Variants in CSMD1 observed in about 807,000 individuals in gnomAD.
CSMD1 encodes CUB and sushi domain-containing protein 1.
A neutral mutation model predicts 417.5 loss-of-function variants in CSMD1; 213 were observed. That is an observed-to-expected ratio of 0.51 (90% confidence interval 0.46 to 0.57). CSMD1 has a LOEUF of 0.57. Ranked by LOEUF, CSMD1 falls within the 20% of genes least tolerant of loss-of-function variation. CSMD1 has a pLI of 0.00. For missense variants in CSMD1, 6,923 were observed against 4,529.7 expected, an observed-to-expected ratio of 1.53 and a Z score of -15.17; for synonymous variants, 2,862 against 1,736.8, an observed-to-expected ratio of 1.65 and a Z score of -16.11.
intron 7 of CSMD1, among the ~76,000 whole-genome samples, chr8:3,628,194 C>A (rs191558626): frequency 2.0e-5 from 3 of 152,064 alleles, no homozygotes; most frequent in Non-Finnish European, 4.4e-5. Context: ...TGTAACAACG[C>A]GGTTGTATTT....
intron 3 of CSMD1, among the ~76,000 whole-genome samples, chr8:4,084,948 C>T (rs772734529): frequency 3.9e-5 from 6 of 152,114 alleles, no homozygotes; most frequent in Non-Finnish European, 4.4e-5. Flanking sequence ...TTTGGGAAAG[C>T]ACCTGCAGAA....
intron 59 of CSMD1, 23 bp downstream of exon 59, chr8:2,965,752 A>G: frequency 6.3e-7 from 1 of 1,580,322 alleles, no homozygotes; most frequent in Non-Finnish European, 8.6e-7. Flanking sequence ...CATCTGTAAA[A>G]TCCAAAGAGT....
At chr8:3,956,824 G>A (rs899453494) in intron 5 of CSMD1, among the ~76,000 whole-genome samples, 19 of 152,280 alleles carry the variant, frequency 1.2e-4, no homozygotes, top group African/African-American at 4.6e-4. Context: ...GTTACGGAAG[G>A]AAGAGAGAAT....
chr8:4,730,219 A>T (rs559085311), intron 1 of CSMD1, among the ~76,000 whole-genome samples: 1 of 150,882 alleles, frequency 6.6e-6, no homozygotes, highest in African/African-American at 2.4e-5. Context: ...AAAACAAAAC[A>T]AAACAAAACA....
At chr8:4,091,606 A>C (rs1033135565) in intron 3 of CSMD1, among the ~76,000 whole-genome samples, 1 of 152,190 alleles carries the variant, frequency 6.6e-6, no homozygotes, top group African/African-American at 2.4e-5. Context: ...TACACCTCAC[A>C]TAGAGTAGCA....
intron 3 of CSMD1, among the ~76,000 whole-genome samples, chr8:4,087,445 A>G (rs189079672): frequency 6.6e-6 from 1 of 152,240 alleles, no homozygotes; most frequent in Non-Finnish European, 1.5e-5. Context: ...TAAATTAAGT[A>G]GAAACCACCC....
chr8:4,993,434 T>C (rs753287496), intron 1 of CSMD1, among the ~76,000 whole-genome samples: 2 of 107,546 alleles, frequency 1.9e-5, no homozygotes, highest in Admixed American at 1.8e-4. Flanking sequence ...AGGGAGCTTA[T>C]GTTCTTTCCC....
At chr8:3,892,433 T>G (rs10109340) in intron 5 of CSMD1, among the ~76,000 whole-genome samples, 82,506 of 151,938 alleles carry the variant, frequency 0.54, 25,462 homozygotes, top group Admixed American at 0.68. Context: ...GCTTGTGAAG[T>G]GACAGGCTTC....
chr8:4,945,154 G>T (rs1808284372), intron 1 of CSMD1, among the ~76,000 whole-genome samples: 1 of 152,172 alleles, frequency 6.6e-6, no homozygotes, highest in Non-Finnish European at 1.5e-5. Context: ...CACAACAAGA[G>T]AAATACTGAA....
At chr8:4,130,360 G>A (rs529284975) in intron 3 of CSMD1, among the ~76,000 whole-genome samples, 7 of 152,102 alleles carry the variant, frequency 4.6e-5, no homozygotes, top group Non-Finnish European at 7.4e-5. Flanking sequence ...AATGGAAGTG[G>A]AATTTGATCC....
chr8:2,955,234 T>C (rs1039221132), intron 64 of CSMD1, among the ~76,000 whole-genome samples: 2 of 152,228 alleles, frequency 1.3e-5, no homozygotes, highest in Non-Finnish European at 2.9e-5. Flanking sequence ...TTTTCATCTC[T>C]AAGAACTACT....
chr8:3,801,854 G>A (rs983616668), intron 5 of CSMD1, among the ~76,000 whole-genome samples: 1 of 152,092 alleles, frequency 6.6e-6, no homozygotes, highest in Non-Finnish European at 1.5e-5. Context: ...ATTAAAGTAA[G>A]TCAATGAAAA....
chr8:3,108,531 G>A, intron 44 of CSMD1, 72 bp downstream of exon 44: 1 of 1,476,552 alleles, frequency 6.8e-7, no homozygotes, highest in Non-Finnish European at 9.3e-7. Context: ...TGGAAACAAG[G>A]CGTGGGACAA....
At chr8:4,951,991 T>A (rs1420065517) in intron 1 of CSMD1, among the ~76,000 whole-genome samples, 1 of 151,274 alleles carries the variant, frequency 6.6e-6, no homozygotes, top group Non-Finnish European at 1.5e-5. Context: ...ACATAGTTTA[T>A]CTTAAAAGGT....
intron 5 of CSMD1, among the ~76,000 whole-genome samples, chr8:3,779,833 GA>G (rs1408608390): frequency 2.0e-5 from 3 of 152,134 alleles, no homozygotes; most frequent in Non-Finnish European, 4.4e-5. Context: ...ATAGGGACAG[GA>G]AAAATAGTTG....
chr8:3,275,039 T>G (rs1215888351), intron 26 of CSMD1, among the ~76,000 whole-genome samples: 1 of 152,206 alleles, frequency 6.6e-6, no homozygotes, highest in Non-Finnish European at 1.5e-5. Context: ...GTCTTTACAA[T>G]TTGGCATGAT....
chr8:3,074,491 A>G (rs986346823), intron 49 of CSMD1, among the ~76,000 whole-genome samples: 1 of 152,302 alleles, frequency 6.6e-6, no homozygotes, highest in South Asian at 2.1e-4. Flanking sequence ...AAGCTTCCAG[A>G]AGCAAGCCGT....
intron 3 of CSMD1, among the ~76,000 whole-genome samples, chr8:4,191,686 T>G (rs1365401391): frequency 6.6e-6 from 1 of 151,860 alleles, no homozygotes; most frequent in Non-Finnish European, 1.5e-5. Context: ...ATTTCAGTTC[T>G]TTGTGCCTTT....
At chr8:3,926,296 G>C (rs1041229052) in intron 5 of CSMD1, among the ~76,000 whole-genome samples, 2 of 152,094 alleles carry the variant, frequency 1.3e-5, no homozygotes, top group African/African-American at 4.8e-5. Context: ...CTTGTGCCAT[G>C]TATTTCTCCT....
Sources: gnomAD v4.1 joint callset for allele counts (sites outside exome capture counted in the v4.1 genomes callset) on GRCh38, gnomAD v4.1.1 for gene constraint, MANE v1.5 for transcripts, NCBI Gene and HGNC (gene_info 2026-07-23, HGNC 2026-07-21) for gene names.